The following ARHGAP18 variants were observed in gnomAD, a reference collection of about 807,000 sequenced individuals.
ARHGAP18 encodes rho GTPase-activating protein 18.
In ARHGAP18, 67 loss-of-function variants were observed where a neutral mutation model predicts 86.2. The ratio of observed to expected loss-of-function variants is 0.78; its 90% CI spans 0.64 to 0.95. The LOEUF (loss-of-function observed/expected upper bound fraction) is 0.95. Among genes scored for constraint, ARHGAP18 ranks in the 40% least tolerant of loss-of-function variants. ARHGAP18 has a pLI of 0.00. For missense variants in ARHGAP18, 691 were observed against 780.4 expected, an observed-to-expected ratio of 0.89 and a Z score of 1.37; for synonymous variants, 283 against 280.4, an observed-to-expected ratio of 1.01 and a Z score of -0.09.
chr6:129,705,152 C>T (rs1052839513), intron 1 of ARHGAP18, among the ~76,000 whole-genome samples: 1 of 152,184 alleles, frequency 6.6e-6, no homozygotes, highest in African/African-American at 2.4e-5. Flanking sequence ...ATTACAACCC[C>T]AGTATTTAAA....
chr6:129,586,911 C>T (rs930764987), intron 12 of ARHGAP18, among the ~76,000 whole-genome samples: 1 of 152,036 alleles, frequency 6.6e-6, no homozygotes, highest in Non-Finnish European at 1.5e-5. Flanking sequence ...GCTCAAATAC[C>T]TCAAACTCCA....
At chr6:129,662,541 C>T (rs954719244) in intron 1 of ARHGAP18, among the ~76,000 whole-genome samples, 1 of 152,210 alleles carries the variant, frequency 6.6e-6, no homozygotes, top group Admixed American at 6.5e-5. Context: ...TACATGCTTC[C>T]CTCTACAGCA....
intron 5 of ARHGAP18, among the ~76,000 whole-genome samples, chr6:129,623,006 C>CAAAAAAAAAA (rs57274879): frequency 3.5e-4 from 14 of 39,704 alleles, no homozygotes; most frequent in African/African-American, 6.2e-4. Context: ...CATCTCAAAA[C>CAAAAAAAAAA]AAAAAAAAAA....
chr6:129,647,355 G>C (rs897078579), intron 1 of ARHGAP18, among the ~76,000 whole-genome samples: 2 of 152,000 alleles, frequency 1.3e-5, no homozygotes, highest in African/African-American at 4.8e-5. Context: ...TAACTATCTG[G>C]TCCAATTTCT....
chr6:129,587,092 AT>A (rs1562677593), intron 12 of ARHGAP18, among the ~76,000 whole-genome samples: 2 of 152,150 alleles, frequency 1.3e-5, no homozygotes. Flanking sequence ...AAAATTACTT[AT>A]TTTTTGTTCA....
chr6:129,583,904 A>G (rs1584020147), intron 13 of ARHGAP18, 84 bp downstream of exon 13: 6 of 1,427,138 alleles, frequency 4.2e-6, no homozygotes, highest in East Asian at 2.4e-5. Flanking sequence ...AAAAAAAAAA[A>G]GGAAGAAGAA....
intron 7 of ARHGAP18, among the ~76,000 whole-genome samples, chr6:129,614,781 T>G (rs1261932130): frequency 6.7e-6 from 1 of 148,900 alleles, no homozygotes; most frequent in Non-Finnish European, 1.5e-5. Flanking sequence ...GTTGTCACAG[T>G]AGACTGTGAA....
chr6:129,624,466 G>T (rs9388718), intron 5 of ARHGAP18, among the ~76,000 whole-genome samples: 34,846 of 151,956 alleles, frequency 0.23, 4,411 homozygotes, highest in Non-Finnish European at 0.28. Context: ...GGAGGTGGAG[G>T]TTGCAGTGAG....
chr6:129,648,077 ACATTT>A (rs1422739262), intron 1 of ARHGAP18, among the ~76,000 whole-genome samples: 3 of 152,228 alleles, frequency 2.0e-5, no homozygotes, highest in Admixed American at 6.5e-5. Flanking sequence ...AATGACCATT[ACATTT>A]ATCAAGAAAA....
intron 1 of ARHGAP18, among the ~76,000 whole-genome samples, chr6:129,661,275 C>A (rs1217252767): frequency 7.1e-6 from 1 of 141,758 alleles, no homozygotes; most frequent in Admixed American, 7.2e-5. Flanking sequence ...ATTGCATGAG[C>A]CTAGGAGTTC....
intron 5 of ARHGAP18, among the ~76,000 whole-genome samples, chr6:129,619,586 G>C (rs1200768306): frequency 5.2e-5 from 6 of 115,448 alleles, no homozygotes; most frequent in Non-Finnish European, 1.8e-5. Flanking sequence ...GAAAAGGAAG[G>C]GGAGCAGGGA....
chr6:129,644,444 C>G (rs1278192350), intron 1 of ARHGAP18, among the ~76,000 whole-genome samples: 1 of 152,046 alleles, frequency 6.6e-6, no homozygotes, highest in Non-Finnish European at 1.5e-5. Context: ...GTTCATATTC[C>G]TTACTTCTGC....
intron 10 of ARHGAP18, among the ~76,000 whole-genome samples, chr6:129,601,521 A>G (rs1405655676): frequency 6.6e-6 from 1 of 151,868 alleles, no homozygotes; most frequent in Non-Finnish European, 1.5e-5. Context: ...AAAAGAGAGA[A>G]GAGAGAAAAG....
intron 1 of ARHGAP18, among the ~76,000 whole-genome samples, chr6:129,707,735 T>G (rs1402791876): frequency 4.6e-5 from 7 of 150,780 alleles, no homozygotes; most frequent in Non-Finnish European, 1.0e-4. Context: ...ACTCCTGAGC[T>G]CAAGCAATCC....
At chr6:129,625,157 A>ATATATGATATAT (rs1562696426) in intron 5 of ARHGAP18, among the ~76,000 whole-genome samples, 20 of 3,004 alleles carry the variant, frequency 6.7e-3, no homozygotes, top group Admixed American at 8.9e-3. Flanking sequence ...TATTATATAG[A>ATATATGATATAT]TATATATTAT....
rs188447879 is a variant in ARHGAP18 at position 129,662,409 on chromosome 6, T to C, written c.114-20391A>G. 1.2e-4 allele frequency among the ~76,000 whole-genome samples: 18 copies of C among 152,368 alleles called. 1 individual carries two copies. The highest frequency in any genetic ancestry group is 1.2e-3 in the East Asian group (6 of 5,186). On this transcript the variant is annotated intron_variant, in intron 1 of 14. Coordinates refer to ENST00000368149, the MANE Select transcript of ARHGAP18 (RefSeq NM_033515.3). ...TTTTGAAGTGGGTGCAATTTGTCTA[T>C]TGTCATCCTCTTGCCTTAAATTATG...
intron 12 of ARHGAP18, among the ~76,000 whole-genome samples, chr6:129,588,341 C>T (rs1394854879): frequency 2.0e-5 from 3 of 152,176 alleles, no homozygotes; most frequent in Admixed American, 1.3e-4. Context: ...GTCTTGAACC[C>T]CTGACCTCAA....
In ARHGAP18 at chr6:129,610,979, A is replaced by T. The variant is rs186067515; in HGVS notation, c.1122+554T>A. Among the ~76,000 whole-genome samples, 313 of 152,082 alleles carry T rather than the reference A, an allele frequency of 2.1e-3. 1 individual carries two copies. The highest frequency in any genetic ancestry group is 2.8e-3 in the Non-Finnish European group (191 of 67,968). On this transcript the variant is annotated intron_variant, in intron 8 of 14. Coordinates refer to ENST00000368149, the MANE Select transcript of ARHGAP18 (RefSeq NM_033515.3). ...TGGGACAATGACAGCTCACTGCCAC[A>T]TGGGACTCCTGGGTTCAGGCAATCC...
intron 8 of ARHGAP18, 106 bp downstream of exon 8, chr6:129,611,427 C>A: frequency 2.2e-6 from 2 of 898,020 alleles, no homozygotes; most frequent in Non-Finnish European, 3.5e-6. Context: ...ATTTTATCTA[C>A]TTTACTAACA....
Sources: gnomAD v4.1 joint callset for allele counts (sites outside exome capture counted in the v4.1 genomes callset) on GRCh38, gnomAD v4.1.1 for gene constraint, MANE v1.5 for transcripts, NCBI Gene and HGNC (gene_info 2026-07-23, HGNC 2026-07-21) for gene names.